The following RASA2 variants were observed in gnomAD, a reference collection of about 807,000 sequenced individuals.
RASA2 encodes the protein ras GTPase-activating protein 2.
RASA2 carries 155 observed loss-of-function variants against 118.2 expected under a neutral mutation model. The ratio of observed to expected loss-of-function variants is 1.31; its 90% CI spans 1.15 to 1.50. RASA2 has a LOEUF of 1.50. Ranked by LOEUF, RASA2 falls within the 40% of genes most tolerant of loss-of-function variation. RASA2 has a pLI of 0.00. For missense variants in RASA2, 1,016 were observed against 1,009.6 expected, an observed-to-expected ratio of 1.01 and a Z score of -0.09; for synonymous variants, 353 against 349.1, an observed-to-expected ratio of 1.01 and a Z score of -0.12.
At chr3:141,587,100 C>T (rs553843399) in intron 19 of RASA2, among the ~76,000 whole-genome samples, 2 of 152,104 alleles carry the variant, frequency 1.3e-5, no homozygotes, top group African/African-American at 2.4e-5. Flanking sequence ...AGCAAGATTC[C>T]ATATCGAATA....
At chr3:141,562,225 T>G (rs2082740374) in intron 9 of RASA2, among the ~76,000 whole-genome samples, 1 of 151,676 alleles carries the variant, frequency 6.6e-6, no homozygotes, top group African/African-American at 2.4e-5. Flanking sequence ...GTGCTGGGAT[T>G]GTGAGCCATT....
intron 9 of RASA2, among the ~76,000 whole-genome samples, chr3:141,561,432 A>C (rs1463281816): frequency 1.3e-5 from 2 of 152,244 alleles, no homozygotes; most frequent in Non-Finnish European, 2.9e-5. Flanking sequence ...TTATTTTTAT[A>C]GATGTTTTTG....
intron 1 of RASA2, among the ~76,000 whole-genome samples, chr3:141,508,305 G>A (rs78536255): frequency 0.028 from 4,213 of 152,140 alleles, 205 homozygotes; most frequent in African/African-American, 0.097. Context: ...GTCAAATAAT[G>A]AAGAGTGGTC....
chr3:141,608,604 TCA>T lies in RASA2; in HGVS notation c.2133_2134del (p.Ser712PhefsTer20). On this transcript the variant is annotated frameshift_variant, in exon 21 of 24. Coordinates refer to ENST00000286364, the MANE Select transcript of RASA2 (RefSeq NM_006506.5). LOFTEE classifies it high-confidence loss of function. ...GTGAGCCGATGCAATCAAAACAGGCTCAGTTTTTATCATCCCTCTGTGTATCT... is the reference window on the plus strand; with the variant it reads ...GTGAGCCGATGCAATCAAAACAGGCTGTTTTTATCATCCCTCTGTGTATCT... 6.2e-7 allele frequency: 1 copy of T among 1,613,922 alleles called. No individual in the cohort carries two copies. The highest frequency in any genetic ancestry group is 8.5e-7 in the Non-Finnish European group (1 of 1,179,864).
chr3:141,568,266 T>TA (rs966791892), intron 9 of RASA2, among the ~76,000 whole-genome samples: 28 of 151,762 alleles, frequency 1.8e-4, no homozygotes, highest in African/African-American at 4.4e-4. Flanking sequence ...TGCTTTCAGG[T>TA]AAAAAAAACA....
At chr3:141,512,302 A>T in intron 2 of RASA2, 22 bp downstream of exon 2, 1 of 1,478,872 alleles carries the variant, frequency 6.8e-7, no homozygotes, top group Non-Finnish European at 9.3e-7. Context: ...AAATTGGTAA[A>T]TTATAATTTT....
chr3:141,511,855 G>T (rs1249725779), intron 1 of RASA2, among the ~76,000 whole-genome samples: 1 of 152,036 alleles, frequency 6.6e-6, no homozygotes, highest in Non-Finnish European at 1.5e-5. Context: ...ATTAATTGTG[G>T]AGTAAAGTCC....
intron 3 of RASA2, chr3:141,525,739 C>G (rs111752396): frequency 1.3e-5 from 2 of 151,514 alleles, no homozygotes; most frequent in Non-Finnish European, 2.9e-5. Flanking sequence ...CCCAGGAGAT[C>G]GAGGCTGCAG....
chr3:141,558,470 G>A (rs541211701), intron 7 of RASA2, among the ~76,000 whole-genome samples: 15 of 152,190 alleles, frequency 9.9e-5, no homozygotes, highest in African/African-American at 1.9e-4. Flanking sequence ...AGAATTTATC[G>A]TCAGATGTGG....
intron 9 of RASA2, among the ~76,000 whole-genome samples, chr3:141,562,398 C>A (rs1419899910): frequency 6.8e-6 from 1 of 147,502 alleles, no homozygotes; most frequent in Non-Finnish European, 1.5e-5. Context: ...GCAAGGCAGG[C>A]GGATCATGAG....
At chr3:141,534,077 G>T (rs1452379218) in intron 4 of RASA2, among the ~76,000 whole-genome samples, 1 of 152,180 alleles carries the variant, frequency 6.6e-6, no homozygotes, top group Admixed American at 6.5e-5. Flanking sequence ...TGCCACATAT[G>T]TGAAGTTAAT....
At position 141,586,237 on chromosome 3, in the gene RASA2, G is replaced by A. The variant is rs375848845; in HGVS notation, c.1826+139G>A. 2.1e-4 allele frequency: 146 copies of A among 698,286 alleles called. No individual in the cohort carries two copies. In the East Asian group the frequency reaches 3.6e-3, roughly 17 times the overall value. The allele number at this position is 698,286 out of a possible 1,614,324, so 43.3% of individuals were successfully genotyped here. On this transcript the variant is annotated intron_variant, in intron 18 of 23. Coordinates refer to ENST00000286364, the MANE Select transcript of RASA2 (RefSeq NM_006506.5). ...GCCAAAATTAGCAGTCAGGTAAGTC[G>A]CCTTTACTGTCCTACAAACTTTATG...
At chr3:141,529,671 G>GAAAA in intron 3 of RASA2, 37 bp from the exon 4 acceptor site, 1 of 1,437,864 alleles carries the variant, frequency 7.0e-7, no homozygotes, top group Non-Finnish European at 9.8e-7. Context: ...ATTATACGAA[G>GAAAA]CATGTTTTCT....
intron 1 of RASA2, among the ~76,000 whole-genome samples, chr3:141,511,384 A>T (rs2081948464): frequency 6.6e-6 from 1 of 152,026 alleles, no homozygotes; most frequent in African/African-American, 2.4e-5. Context: ...GAAGGAAGAG[A>T]AGGTGGTTTG....
intron 1 of RASA2, among the ~76,000 whole-genome samples, chr3:141,503,171 T>C (rs1344831570): frequency 6.6e-6 from 1 of 152,206 alleles, no homozygotes; most frequent in Non-Finnish European, 1.5e-5. Flanking sequence ...TTCTGTCTTA[T>C]CCCTGTAGTG....
chr3:141,495,007 C>T (rs2081683159), intron 1 of RASA2, among the ~76,000 whole-genome samples: 1 of 152,144 alleles, frequency 6.6e-6, no homozygotes, highest in African/African-American at 2.4e-5. Flanking sequence ...TGAGAAAGAA[C>T]TGCTTGAGGA....
intron 1 of RASA2, among the ~76,000 whole-genome samples, chr3:141,501,243 A>C (rs2081774445): frequency 1.3e-5 from 2 of 152,180 alleles, no homozygotes; most frequent in Non-Finnish European, 2.9e-5. Context: ...TATTTCCTAT[A>C]ATAGAAATCC....
At chr3:141,610,898 G>A (rs2083641423) in intron 23 of RASA2, among the ~76,000 whole-genome samples, 1 of 151,988 alleles carries the variant, frequency 6.6e-6, no homozygotes, top group Admixed American at 6.6e-5. Flanking sequence ...TACATAATAA[G>A]AATTCACAAA....
At chr3:141,597,966 A>G (rs2083401258) in intron 19 of RASA2, among the ~76,000 whole-genome samples, 2 of 152,236 alleles carry the variant, frequency 1.3e-5, no homozygotes, top group African/African-American at 4.8e-5. Context: ...ATTCAGATGA[A>G]TGGACAAATT....
Sources: gnomAD v4.1 joint callset for allele counts (sites outside exome capture counted in the v4.1 genomes callset) on GRCh38, gnomAD v4.1.1 for gene constraint, MANE v1.5 for transcripts, NCBI Gene and HGNC (gene_info 2026-07-23, HGNC 2026-07-21) for gene names.